Variants in ATP2B2 observed in about 807,000 individuals in gnomAD.
The protein encoded by ATP2B2 is plasma membrane calcium-transporting ATPase 2.
A neutral mutation model predicts 120.0 loss-of-function variants in ATP2B2; 15 were observed. The ratio of observed to expected loss-of-function variants is 0.12; its 90% CI spans 0.08 to 0.19. The LOEUF is 0.19. ATP2B2 is among the 10% of genes least tolerant of loss of function. The pLI, the probability that ATP2B2 is intolerant of heterozygous loss-of-function variation, is 1.00. For synonymous variants in ATP2B2, 694 were observed against 700.3 expected (o/e 0.99, Z 0.14); for missense variants, 1,045 against 1,719.8 (o/e 0.61, Z 6.94).
intron 2 of ATP2B2, among the ~76,000 whole-genome samples, chr3:10,609,998 C>T: frequency 6.6e-6 from 1 of 152,004 alleles, no homozygotes; most frequent in East Asian, 1.9e-4. Context: ...TCAGTCTGAC[C>T]ATTCCTGGTT....
intron 2 of ATP2B2, among the ~76,000 whole-genome samples, chr3:10,560,067 C>T (rs2067868707): frequency 6.6e-6 from 1 of 152,204 alleles, no homozygotes; most frequent in African/African-American, 2.4e-5. Context: ...ACAGTTGGCC[C>T]AGACCCTTTC....
intron 1 of ATP2B2, among the ~76,000 whole-genome samples, chr3:10,457,947 G>A (rs12492236): frequency 6.6e-6 from 1 of 152,118 alleles, no homozygotes. Context: ...TGAGGAAGGG[G>A]AGGTCCAGCC....
Position 10,340,783 on chromosome 3 carries a change from G to A in ATP2B2, c.2918-79C>T. The A allele has an allele frequency of 7.0e-7, 1 of 1,429,922 alleles. No individual in the cohort carries two copies. The highest frequency in any genetic ancestry group is 9.8e-7 in the Non-Finnish European group (1 of 1,018,980). The allele number at this position is 1,429,922 out of a possible 1,614,324, so 88.6% of individuals were successfully genotyped here. On this transcript the variant is annotated intron_variant, in intron 19 of 22. Coordinates refer to ENST00000360273, the MANE Select transcript of ATP2B2 (RefSeq NM_001001331.4). The surrounding 1 kb of genome is among the most constrained non-coding windows in gnomAD (Gnocchi z 5.0). ...GGGAGATGCCTGGCCTTTCGTGGGG[G>A]CCTCTTCTGAGCAGTGACGTGAATC... is the stretch of plus-strand genomic sequence containing the variant.
intron 1 of ATP2B2, among the ~76,000 whole-genome samples, chr3:10,695,919 C>A (rs1339338411): frequency 2.0e-5 from 3 of 152,212 alleles, no homozygotes; most frequent in Non-Finnish European, 4.4e-5. Context: ...CTGAAAAAGT[C>A]TCTGGCAAAG....
chr3:10,630,507 C>G (rs1027207795), intron 1 of ATP2B2, among the ~76,000 whole-genome samples: 4 of 152,182 alleles, frequency 2.6e-5, no homozygotes, highest in African/African-American at 9.7e-5. Flanking sequence ...TGATCTTGTT[C>G]TTTTTTATGG....
chr3:10,386,459 C>G (rs748530220), intron 7 of ATP2B2, 21 bp downstream of exon 7: 4 of 1,613,354 alleles, frequency 2.5e-6, no homozygotes, highest in African/African-American at 2.7e-5. Context: ...GCCCATCTAC[C>G]CTGAGGGTGT....
chr3:10,634,008 G>A (rs2069949114), intron 1 of ATP2B2, among the ~76,000 whole-genome samples: 1 of 152,200 alleles, frequency 6.6e-6, no homozygotes, highest in South Asian at 2.1e-4. Flanking sequence ...CCGATCAAGA[G>A]AGAGAGAGAT....
At position 10,340,374 on chromosome 3, in the gene ATP2B2, AAGAG is replaced by A. The variant is rs745831146; in HGVS notation, c.3130-29_3130-26del. Reference sequence around the variant, plus strand: ...TCTGGAGGTCACAGGGGAGCAGAGAAAGAGAGAGAGAGAGGCCATCAGGGACCAG... The same window carrying A: ...TCTGGAGGTCACAGGGGAGCAGAGAAAGAGAGAGAGGCCATCAGGGACCAG... On this transcript the variant is annotated intron_variant, in intron 20 of 22. Transcript: ENST00000360273. The surrounding 1 kb of genome is among the most constrained non-coding windows in gnomAD (Gnocchi z 5.0). The A allele has an allele frequency of 4.4e-6, 7 of 1,604,540 alleles. No homozygotes were observed. Among genetic ancestry groups the A allele is most frequent in the Admixed American group, 3.4e-5 (2 of 59,686 alleles).
At chr3:10,491,974 T>C (rs1296599846) in intron 1 of ATP2B2, among the ~76,000 whole-genome samples, 1 of 152,146 alleles carries the variant, frequency 6.6e-6, no homozygotes, top group Non-Finnish European at 1.5e-5. Flanking sequence ...ATTGACAAAA[T>C]AGGGTATCGA....
At chr3:10,330,727 T>C (rs934601717) in intron 22 of ATP2B2, among the ~76,000 whole-genome samples, 11 of 152,200 alleles carry the variant, frequency 7.2e-5, no homozygotes, top group Non-Finnish European at 2.9e-5. Flanking sequence ...AACCCAGGGG[T>C]AGCTCCTTTG....
chr3:10,600,967 C>T (rs944850071), intron 2 of ATP2B2, among the ~76,000 whole-genome samples: 1 of 152,134 alleles, frequency 6.6e-6, no homozygotes, highest in Non-Finnish European at 1.5e-5. Context: ...GGTTGTGACT[C>T]ACCACCCAGC....
intron 2 of ATP2B2, among the ~76,000 whole-genome samples, chr3:10,422,150 C>A (rs2063001661): frequency 6.6e-6 from 1 of 152,162 alleles, no homozygotes; most frequent in Admixed American, 6.5e-5. Flanking sequence ...TAGGAAACCT[C>A]CCCTGGCTCC....
upstream of ATP2B2, among the ~76,000 whole-genome samples, chr3:10,507,011 T>C (rs1015152519): frequency 3.9e-5 from 6 of 152,210 alleles, no homozygotes; most frequent in African/African-American, 1.4e-4. Context: ...TAGGCCATGC[T>C]GAGACCTCCT....
At chr3:10,431,509 C>T (rs1486472607) in intron 2 of ATP2B2, among the ~76,000 whole-genome samples, 1 of 152,174 alleles carries the variant, frequency 6.6e-6, no homozygotes, top group African/African-American at 2.4e-5. Flanking sequence ...GAGTGTGTGA[C>T]TCACTTTATT....
chr3:10,485,061 T>C (rs764487409), intron 1 of ATP2B2, among the ~76,000 whole-genome samples: 9 of 152,112 alleles, frequency 5.9e-5, no homozygotes, highest in Non-Finnish European at 1.3e-4. Flanking sequence ...GTCTGGGTCT[T>C]GTGTGCCTTC....
chr3:10,677,808 T>G (rs1241558198), intron 1 of ATP2B2, among the ~76,000 whole-genome samples: 1 of 152,200 alleles, frequency 6.6e-6, no homozygotes, highest in Non-Finnish European at 1.5e-5. Context: ...AATAGGATCC[T>G]GTTTTTTATC....
intron 2 of ATP2B2, among the ~76,000 whole-genome samples, chr3:10,423,419 C>G (rs935545418): frequency 6.6e-6 from 1 of 152,204 alleles, no homozygotes; most frequent in Non-Finnish European, 1.5e-5. Flanking sequence ...CAGGCCCTCT[C>G]AGCACCCCAC....
intron 1 of ATP2B2, among the ~76,000 whole-genome samples, chr3:10,495,980 C>T (rs535413103): frequency 1.3e-4 from 20 of 152,292 alleles, no homozygotes; most frequent in Middle Eastern, 3.4e-3. Flanking sequence ...GCAAGGAGCC[C>T]GACAAACAGC....
chr3:10,684,957 C>G (rs2071481777), intron 1 of ATP2B2, among the ~76,000 whole-genome samples: 1 of 152,160 alleles, frequency 6.6e-6, no homozygotes, highest in Admixed American at 6.5e-5. Flanking sequence ...GGGACAGGGA[C>G]AAACTAAGCC....
Sources: gnomAD v4.1 joint callset for allele counts (sites outside exome capture counted in the v4.1 genomes callset) on GRCh38, gnomAD v4.1.1 for gene constraint, Gnocchi (gnomAD v3.1) non-coding constraint, MANE v1.5 for transcripts, NCBI Gene and HGNC (gene_info 2026-07-23, HGNC 2026-07-21) for gene names.